Variants in AMOTL1 observed in about 807,000 individuals in gnomAD.
AMOTL1 encodes the protein angiomotin-like protein 1.
In AMOTL1, 45 loss-of-function variants were observed where a neutral mutation model predicts 102.9. That is an observed-to-expected ratio of 0.44 (90% CI 0.34 to 0.56). The LOEUF is 0.56. AMOTL1 is among the 20% of genes least tolerant of loss of function. The pLI is 0.01. For synonymous variants in AMOTL1, 481 were observed against 484.7 expected (o/e 0.99, Z 0.10); for missense variants, 1,114 against 1,225.6 (o/e 0.91, Z 1.36).
intron 3 of AMOTL1, among the ~76,000 whole-genome samples, chr11:94,818,895 A>G (rs1467004239): frequency 2.6e-5 from 4 of 152,250 alleles, no homozygotes; most frequent in Non-Finnish European, 4.4e-5. Flanking sequence ...AATAACAGCA[A>G]CTTATTTACA....
At chr11:94,720,504 C>T (rs117077591) in intron 1 of AMOTL1, among the ~76,000 whole-genome samples, 4,219 of 152,164 alleles carry the variant, frequency 0.028, 90 homozygotes, top group Non-Finnish European at 0.04. Flanking sequence ...CTTTTGGAAA[C>T]CTGATGTGGA....
chr11:94,869,166 A>T, intron 11 of AMOTL1, 32 bp from the exon 12 acceptor site: 5 of 1,530,758 alleles, frequency 3.3e-6, no homozygotes, highest in Non-Finnish European at 4.4e-6. Flanking sequence ...AAGGAAAAAA[A>T]GAATGTTGAA....
intron 3 of AMOTL1, among the ~76,000 whole-genome samples, chr11:94,810,168 C>T (rs1228112116): frequency 6.6e-6 from 1 of 152,172 alleles, no homozygotes; most frequent in Non-Finnish European, 1.5e-5. Context: ...GAGAAAGAGT[C>T]TGGTGGTACT....
At chr11:94,760,136 A>G (rs932248634) in intron 3 of AMOTL1, among the ~76,000 whole-genome samples, 2 of 152,232 alleles carry the variant, frequency 1.3e-5, no homozygotes, top group Non-Finnish European at 2.9e-5. Flanking sequence ...CCTGTTTTCA[A>G]CAGGACTCAG....
At chr11:94,735,322 T>C (rs1950422686) in intron 2 of AMOTL1, among the ~76,000 whole-genome samples, 1 of 152,216 alleles carries the variant, frequency 6.6e-6, no homozygotes, top group African/African-American at 2.4e-5. Context: ...AAAAAGTATG[T>C]AGAGTGTGCT....
chr11:94,840,014 G>C (rs1952264279), intron 6 of AMOTL1, among the ~76,000 whole-genome samples: 1 of 152,046 alleles, frequency 6.6e-6, no homozygotes, highest in Non-Finnish European at 1.5e-5. Context: ...AGGCCTTGTT[G>C]GATAATCCAG....
At chr11:94,741,330 T>C (rs1221327729) in intron 3 of AMOTL1, among the ~76,000 whole-genome samples, 2 of 152,158 alleles carry the variant, frequency 1.3e-5, no homozygotes, top group Non-Finnish European at 2.9e-5. Flanking sequence ...CTGGGGCTTC[T>C]GAAACCTGCG....
At chr11:94,854,489 G>A (rs1176520270) in intron 8 of AMOTL1, among the ~76,000 whole-genome samples, 1 of 152,212 alleles carries the variant, frequency 6.6e-6, no homozygotes, top group Non-Finnish European at 1.5e-5. Flanking sequence ...CAGGTAGCTA[G>A]GGGAAAGTGC....
intron 1 of AMOTL1, among the ~76,000 whole-genome samples, chr11:94,710,040 A>G (rs1344800528): frequency 3.9e-5 from 6 of 152,236 alleles, no homozygotes; most frequent in Non-Finnish European, 8.8e-5. Context: ...AACATTTCTC[A>G]CACTCACACA....
intron 6 of AMOTL1, among the ~76,000 whole-genome samples, chr11:94,849,032 A>C (rs924720752): frequency 3.9e-5 from 6 of 152,212 alleles, no homozygotes; most frequent in African/African-American, 1.4e-4. Flanking sequence ...GAACATTGAA[A>C]TGGTGTGGGC....
In AMOTL1 at chr11:94,873,776, T is replaced by TACAC. The variant is rs149500556; in HGVS notation, c.*3015_*3018dup. 5,331 of 142,518 alleles carry TACAC rather than the reference T, an allele frequency of 0.037. 221 individuals are homozygous for TACAC. Among genetic ancestry groups the TACAC allele is most frequent in the African/African-American group, 0.1 (3,980 of 39,400 alleles). The allele number at this position is 142,518 out of a possible 1,614,324, so 8.8% of individuals were successfully genotyped here. A position where few individuals can be genotyped will look rare whatever the true frequency, so the allele number is the denominator to read the frequency against. ...TGTGATGTGTGTGTGCACGTGTAAC[T>TACAC]ACACACACACACACACACACACACA... On this transcript the variant is annotated 3_prime_UTR_variant, in exon 13 of 13. Coordinates refer to ENST00000433060, the MANE Select transcript of AMOTL1 (RefSeq NM_130847.3).
intron 3 of AMOTL1, 76 bp from the exon 4 acceptor site, chr11:94,821,454 G>C (rs1024483564): frequency 4.5e-5 from 66 of 1,456,552 alleles, no homozygotes; most frequent in Non-Finnish European, 4.9e-5. Flanking sequence ...CATCAACAGT[G>C]CCAGTATTGT....
intron 6 of AMOTL1, among the ~76,000 whole-genome samples, chr11:94,840,217 T>G (rs1208910962): frequency 1.3e-5 from 2 of 152,214 alleles, no homozygotes; most frequent in East Asian, 3.9e-4. Flanking sequence ...GTGTGGTTTC[T>G]TACAATTATT....
chr11:94,852,932 T>C (rs1952575348), intron 7 of AMOTL1, among the ~76,000 whole-genome samples: 2 of 152,176 alleles, frequency 1.3e-5, no homozygotes, highest in African/African-American at 2.4e-5. Flanking sequence ...TGAAAAAATA[T>C]AGAAAAGAAT....
chr11:94,799,939 T>G lies in AMOTL1; in HGVS notation c.749T>G (p.Leu250Arg). The change falls in exon 3 of 13, where the codon CTG (leucine) becomes CGG (arginine). Residue 250 changes from leucine (L) to arginine (R), a missense_variant. Coordinates refer to ENST00000433060, the MANE Select transcript of AMOTL1 (RefSeq NM_130847.3). This position sits in a 1 kb window ranked among gnomAD's most constrained non-coding sequence, Gnocchi z 4.5. ...GGACAGGCGCATAAGGACGAGGCGC[T>G]GAAGGAACTGAAGCAGGGCCACGTC... ...NSGQAHKDEA[L>R]KELKQGHVRS... is the part of the protein sequence containing the mutation. 6.2e-7 allele frequency: 1 copy of G among 1,613,536 alleles called. No homozygotes were observed. Among genetic ancestry groups the G allele is most frequent in the Non-Finnish European group, 8.5e-7 (1 of 1,179,662 alleles).
intron 6 of AMOTL1, among the ~76,000 whole-genome samples, chr11:94,833,985 C>G (rs1952123381): frequency 1.3e-5 from 2 of 152,168 alleles, no homozygotes; most frequent in Admixed American, 1.3e-4. Context: ...CACCTTGCAA[C>G]CCACAGCTCA....
intron 2 of AMOTL1, chr11:94,729,129 A>C: frequency 1.8e-6 from 2 of 1,089,504 alleles, no homozygotes; most frequent in South Asian, 2.6e-5. Flanking sequence ...AATCCACTGT[A>C]CTCAGTACGT....
intron 2 of AMOTL1, among the ~76,000 whole-genome samples, chr11:94,795,950 T>C (rs894567562): frequency 6.6e-6 from 1 of 152,240 alleles, no homozygotes; most frequent in African/African-American, 2.4e-5. Context: ...CCTGTCCCAA[T>C]GCCTGAACTA....
At chr11:94,827,093 G>A (rs1366558216) in intron 4 of AMOTL1, among the ~76,000 whole-genome samples, 1 of 152,182 alleles carries the variant, frequency 6.6e-6, no homozygotes, top group East Asian at 1.9e-4. Context: ...TAATTAATCA[G>A]TCAGTATTTT....
Sources: allele counts gnomAD v4.1 joint callset (sites outside exome capture counted in the v4.1 genomes callset), GRCh38; gene constraint gnomAD v4.1.1; non-coding constraint Gnocchi (gnomAD v3.1); transcripts MANE v1.5; gene names NCBI Gene and HGNC (gene_info 2026-07-23, HGNC 2026-07-21).